The following DROSHA variants were observed in gnomAD, a reference collection of about 807,000 sequenced individuals.
DROSHA encodes the protein ribonuclease 3.
Under a neutral mutation model 181.9 loss-of-function variants are expected in DROSHA, and 56 were observed. The ratio of observed to expected loss-of-function variants is 0.31; its 90% CI spans 0.25 to 0.38. The LOEUF (loss-of-function observed/expected upper bound fraction) is 0.38, where lower values mean the gene tolerates loss of function less well. Among genes scored for constraint, DROSHA ranks in the 10% least tolerant of loss-of-function variants. DROSHA has a pLI of 1.00. For missense variants in DROSHA, 1,218 were observed against 1,743.5 expected, an observed-to-expected ratio of 0.70 and a Z score of 5.37; for synonymous variants, 524 against 591.2, an observed-to-expected ratio of 0.89 and a Z score of 1.65.
intron 2 of DROSHA, among the ~76,000 whole-genome samples, 198 bp downstream of exon 2, chr5:31,531,252 G>C (rs1332617330): frequency 6.6e-6 from 1 of 152,232 alleles, no homozygotes; most frequent in African/African-American, 2.4e-5. Context: ...GCCGCACCTA[G>C]AGGTGGGCAA....
At chr5:31,436,234 G>A (rs780374590) in intron 24 of DROSHA, among the ~76,000 whole-genome samples, 10 of 152,150 alleles carry the variant, frequency 6.6e-5, no homozygotes, top group Non-Finnish European at 1.2e-4. Context: ...CCCCTGGAGA[G>A]AGGAGTCCCT....
chr5:31,466,403 G>A, intron 18 of DROSHA, 122 bp from the exon 19 acceptor site: 2 of 803,216 alleles, frequency 2.5e-6, no homozygotes, highest in South Asian at 3.4e-5. Context: ...TATTCTTAAT[G>A]GCAGAAAGCC....
intron 30 of DROSHA, among the ~76,000 whole-genome samples, chr5:31,418,514 C>T (rs545967230): frequency 6.6e-6 from 1 of 152,208 alleles, no homozygotes; most frequent in South Asian, 2.1e-4. Flanking sequence ...AGCAATCCTC[C>T]CAGGTTGGCC....
intron 4 of DROSHA, among the ~76,000 whole-genome samples, chr5:31,528,160 C>T (rs745853122): frequency 6.6e-6 from 1 of 152,136 alleles, no homozygotes; most frequent in Admixed American, 6.5e-5. Context: ...AGCCCAGGCA[C>T]TCTGCTCACT....
intron 33 of DROSHA, 67 bp downstream of exon 33, chr5:31,408,988 AG>A: frequency 7.0e-7 from 1 of 1,423,044 alleles, no homozygotes. Context: ...TCATTCTTCA[AG>A]GCACATGGAA....
intron 5 of DROSHA, among the ~76,000 whole-genome samples, chr5:31,524,923 G>A (rs1341928984): frequency 6.6e-6 from 1 of 152,148 alleles, no homozygotes; most frequent in Non-Finnish European, 1.5e-5. Flanking sequence ...GGCCAGGCAT[G>A]GTGGCTCACA....
rs1363584280 is a variant in DROSHA at position 31,405,790 on chromosome 5, T to TTTTTC, written c.3948-68_3948-67insGAAAA. ...TTCTTTTTTTTTTTTTTTTTTTTTTTTCAAAAAATGCAAGGTATGGCTACA... is the reference window on the plus strand; with the variant it reads ...TTCTTTTTTTTTTTTTTTTTTTTTTTTTTTCTCAAAAAATGCAAGGTATGGCTACA... On this transcript the variant is annotated intron_variant, in intron 34 of 35. Coordinates refer to ENST00000344624, the MANE Select transcript of DROSHA (RefSeq NM_001382508.1). The TTTTTC allele has an allele frequency of 6.8e-6, 8 of 1,179,210 alleles. No individual in the cohort carries two copies. In the African/African-American group the frequency reaches 8.7e-5, roughly 13 times the overall value. 73.0% of individuals were successfully genotyped at this position (1,179,210 alleles called of 1,614,324 possible).
intron 12 of DROSHA, among the ~76,000 whole-genome samples, chr5:31,494,214 C>G (rs1056020840): frequency 6.6e-6 from 1 of 151,974 alleles, no homozygotes; most frequent in Non-Finnish European, 1.5e-5. Context: ...GTGATCCACT[C>G]GCCTCGGCCT....
intron 14 of DROSHA, among the ~76,000 whole-genome samples, chr5:31,486,029 A>C (rs949749388): frequency 6.6e-6 from 1 of 152,238 alleles, no homozygotes; most frequent in African/African-American, 2.4e-5. Flanking sequence ...TATTGAGATA[A>C]ATCTGCTGTT....
At position 31,520,952 on chromosome 5, in the gene DROSHA, G is replaced by C. The variant is rs1477355058; in HGVS notation, c.947+171C>G. On this transcript the variant is annotated intron_variant, in intron 6 of 35. Transcript: ENST00000344624. ...AAGATTTTCCTTGTGCATAATCAATGCATCTTGAAAGTAAAGTCTTTTAAA... is the reference window on the plus strand; with the variant it reads ...AAGATTTTCCTTGTGCATAATCAATCCATCTTGAAAGTAAAGTCTTTTAAA... Among the ~76,000 whole-genome samples, 6 of 152,222 alleles carry C rather than the reference G, an allele frequency of 3.9e-5. No homozygotes were observed. The South Asian group carries it at 1.2e-3, about 32-fold the overall frequency.
rs773333111 is a variant in DROSHA, at chr5:31,484,862, T to C, written c.1996+19A>G. 10 of 1,499,778 alleles carry C rather than the reference T, an allele frequency of 6.7e-6. No homozygotes were observed. Among genetic ancestry groups the C allele is most frequent in the Non-Finnish European group, 9.0e-6 (10 of 1,106,790 alleles). 92.9% of individuals were successfully genotyped at this position (1,499,778 alleles called of 1,614,324 possible). Reference sequence around the variant, plus strand: ...TTCTTCCATAAACACTACTCTCTTCTTTAAATCCTATTACTTACCTTTAAG... The same window carrying C: ...TTCTTCCATAAACACTACTCTCTTCCTTAAATCCTATTACTTACCTTTAAG... On this transcript the variant is annotated intron_variant, in intron 15 of 35. Coordinates refer to ENST00000344624, the MANE Select transcript of DROSHA (RefSeq NM_001382508.1).
At chr5:31,443,083 G>A (rs1409329590) in intron 23 of DROSHA, among the ~76,000 whole-genome samples, 1 of 147,962 alleles carries the variant, frequency 6.8e-6, no homozygotes, top group Non-Finnish European at 1.5e-5. Flanking sequence ...TCTGTCGCAT[G>A]ATCTTGGCTC....
intron 16 of DROSHA, among the ~76,000 whole-genome samples, chr5:31,482,620 A>C (rs1751160169): frequency 6.6e-6 from 1 of 152,122 alleles, no homozygotes; most frequent in African/African-American, 2.4e-5. Context: ...TCAGGGTAGA[A>C]TGGTAAGTGA....
In DROSHA at chr5:31,526,451, G is replaced by C. The variant is rs760078843; in HGVS notation, c.482C>G (p.Pro161Arg). ...AGGGTACTGATAATTAACCTGCTGC[G>C]GCATGACTGGAGGGGGCGGGGGATG... ...MPHPPPPPVM[P>R]QQVNYQYPPG... The change falls in exon 5 of 36, where the codon CCG becomes CGG. Residue 161 changes from proline to arginine, a missense_variant. This residue lies in a region of DROSHA where 536 missense variants were observed against 535.4 expected (regional missense o/e 1.00). Coordinates refer to ENST00000344624, the MANE Select transcript of DROSHA (RefSeq NM_001382508.1). 3 of 1,611,970 alleles carry C rather than the reference G, an allele frequency of 1.9e-6. No homozygotes were observed. Among genetic ancestry groups the C allele is most frequent in the South Asian group, 1.1e-5 (1 of 90,880 alleles).
Position 31,526,567 on chromosome 5 carries a change from T to C in DROSHA, c.366A>G (p.Pro122=). The C allele has an allele frequency of 6.6e-7, 1 of 1,524,896 alleles. No individual in the cohort carries two copies. The highest frequency in any genetic ancestry group is 1.3e-5 in the South Asian group (1 of 77,050). The allele number at this position is 1,524,896 out of a possible 1,614,324, so 94.5% of individuals were successfully genotyped here. The change falls in exon 5 of 36, where the codon CCA becomes CCG. Residue 122 remains proline, a synonymous_variant. Coordinates refer to ENST00000344624, the MANE Select transcript of DROSHA (RefSeq NM_001382508.1). ...GGGGGTTATTAGGACAAGGCATTGG[T>C]GGTGGCATGGGAGGAAAACAAGGAG... is the stretch of plus-strand genomic sequence containing the variant. ...PVPPCFPPMP[P]PMPCPNNPPV...
chr5:31,495,474 T>C (rs1316893480), intron 11 of DROSHA, 102 bp from the exon 12 acceptor site: 65 of 1,094,252 alleles, frequency 5.9e-5, no homozygotes, highest in Non-Finnish European at 8.1e-5. Flanking sequence ...AAACAGGTTT[T>C]ATGTCTGTTC....
intron 35 of DROSHA, among the ~76,000 whole-genome samples, chr5:31,405,436 T>C (rs527243309): frequency 6.6e-6 from 1 of 150,864 alleles, no homozygotes; most frequent in Non-Finnish European, 1.5e-5. Flanking sequence ...CGCGCTGAGA[T>C]TAGGACTCTA....
intron 10 of DROSHA, among the ~76,000 whole-genome samples, 193 bp downstream of exon 10, chr5:31,508,428 G>A (rs1738252627): frequency 1.3e-5 from 2 of 152,154 alleles, no homozygotes; most frequent in Non-Finnish European, 2.9e-5. Context: ...CATCAAAAAT[G>A]ATTCAAGGGA....
Position 31,470,022 on chromosome 5 carries a change from C to T in DROSHA, c.2242-1959G>A, listed in dbSNP as rs1290485930. Among the ~76,000 whole-genome samples the T allele has an allele frequency of 6.6e-6, 1 of 152,184 alleles. No individual in the cohort carries two copies. Among genetic ancestry groups the T allele is most frequent in the East Asian group, 1.9e-4 (1 of 5,196 alleles). On this transcript the variant is annotated intron_variant, in intron 17 of 35. Transcript: ENST00000344624. This position sits in a 1 kb window ranked among gnomAD's most constrained non-coding sequence, Gnocchi z 4.0. ...TACCTTGTCGTATGAGTAACTTGCACACTTCTCAGTAGGATGTTTTCATAA... is the reference window on the plus strand; with the variant it reads ...TACCTTGTCGTATGAGTAACTTGCATACTTCTCAGTAGGATGTTTTCATAA...
Sources: gnomAD v4.1 joint callset for allele counts (sites outside exome capture counted in the v4.1 genomes callset) on GRCh38, gnomAD v4.1.1 for gene constraint, gnomAD v4.1.1 regional missense constraint, Gnocchi (gnomAD v3.1) non-coding constraint, MANE v1.5 for transcripts, NCBI Gene and HGNC (gene_info 2026-07-23, HGNC 2026-07-21) for gene names.